The following SLC5A12 variants were observed in gnomAD, a reference collection of about 807,000 sequenced individuals.
SLC5A12 encodes sodium-coupled monocarboxylate transporter 2.
A neutral mutation model predicts 72.7 loss-of-function variants in SLC5A12; 46 were observed. That is an observed-to-expected ratio of 0.63 (90% CI 0.50 to 0.81). The LOEUF is 0.81. Ranked by LOEUF, SLC5A12 falls within the 30% of genes least tolerant of loss-of-function variation. SLC5A12 has a pLI of 0.00. For synonymous variants in SLC5A12, 275 were observed against 264.4 expected (o/e 1.04, Z -0.39); for missense variants, 683 against 740.7 (o/e 0.92, Z 0.90).
At position 26,678,874 on chromosome 11, in the gene SLC5A12, G is replaced by A. The variant is rs572211274; in HGVS notation, c.1476-59C>T. On this transcript the variant is annotated intron_variant, in intron 12 of 14. Transcript: ENST00000396005. ...CATCCTAAAGACCCACAGTGATGTA[G>A]AGGACTGCTCAGGATTCATTTTAGG... 6.9e-6 allele frequency: 8 copies of A among 1,160,684 alleles called. No individual in the cohort carries two copies. The Admixed American group carries it at 1.2e-4, about 17-fold the overall frequency. The allele number at this position is 1,160,684 out of a possible 1,614,324, so 71.9% of individuals were successfully genotyped here. A position where few individuals can be genotyped will look rare whatever the true frequency, so the allele number is the denominator to read the frequency against.
intron 12 of SLC5A12, among the ~76,000 whole-genome samples, chr11:26,679,153 T>C (rs1590708753): frequency 6.6e-6 from 1 of 152,230 alleles, no homozygotes; most frequent in Non-Finnish European, 1.5e-5. Context: ...GCATTAGTGA[T>C]ATAAAGATGA....
chr11:26,667,286 G>C lies in SLC5A12; in HGVS notation c.*3816C>G, dbSNP rs1362352863. 1.3e-5 allele frequency: 2 copies of C among 151,790 alleles called. No homozygotes were observed. Among genetic ancestry groups the C allele is most frequent in the Admixed American group, 1.3e-4 (2 of 15,204 alleles). The allele number at this position is 151,790 out of a possible 1,614,324, so 9.4% of individuals were successfully genotyped here. A position where few individuals can be genotyped will look rare whatever the true frequency, so the allele number is the denominator to read the frequency against. On this transcript the variant is annotated 3_prime_UTR_variant, in exon 15 of 15. Transcript: ENST00000396005. The stretch of plus-strand genomic sequence containing the variant: ...TAATTTAAAACAATTTATTTCAAAG[G>C]GAACAATTAAGGGGAGACTCCTCTA...
chr11:26,679,489 A>G (rs1854340588), intron 12 of SLC5A12, among the ~76,000 whole-genome samples: 1 of 152,150 alleles, frequency 6.6e-6, no homozygotes, highest in African/African-American at 2.4e-5. Context: ...TGAAACTCAA[A>G]GACAAATGGA....
chr11:26,683,081 T>G (rs966280421), intron 11 of SLC5A12, among the ~76,000 whole-genome samples: 1 of 152,134 alleles, frequency 6.6e-6, no homozygotes, highest in Non-Finnish European at 1.5e-5. Flanking sequence ...TCAAAATACA[T>G]GCATGTAAGT....
At chr11:26,700,364 C>T (rs902702949) in intron 6 of SLC5A12, among the ~76,000 whole-genome samples, 3 of 152,102 alleles carry the variant, frequency 2.0e-5, no homozygotes, top group Admixed American at 6.6e-5. Context: ...TAGGCTTTTT[C>T]ATTGATCCAT....
chr11:26,718,052 GATAAAGAGACTCC>G (rs1320475531), intron 1 of SLC5A12, among the ~76,000 whole-genome samples: 1 of 152,150 alleles, frequency 6.6e-6, no homozygotes, highest in Non-Finnish European at 1.5e-5. Flanking sequence ...TCACAGGGTG[GATAAAGAGACTCC>G]ACCTCTTTCA....
In SLC5A12 at chr11:26,670,749, G is replaced by A. The variant is rs2133125224; in HGVS notation, c.*353C>T. ...CCTCTAAACTCCAAGATATTTTGAT[G>A]GTTAAAAAACTACTAAAACGAAAAA... On this transcript the variant is annotated 3_prime_UTR_variant, in exon 15 of 15. Transcript: ENST00000396005. 1 of 165,856 alleles carries A rather than the reference G, an allele frequency of 6.0e-6. No individual in the cohort carries two copies. The highest frequency in any genetic ancestry group is 2.0e-4 in the South Asian group (1 of 5,090). 10.3% of individuals were successfully genotyped at this position (165,856 alleles called of 1,614,324 possible). A position where few individuals can be genotyped will look rare whatever the true frequency, so the allele number is the denominator to read the frequency against.
At position 26,703,474 on chromosome 11, in the gene SLC5A12, A is replaced by G. The variant is rs1855010660; in HGVS notation, c.821+57T>C. On this transcript the variant is annotated intron_variant, in intron 6 of 14. Transcript: ENST00000396005. ...CCCCAAGAGGAAGTATTAATATATA[A>G]TAAGTACCAAATAAGGTAAGATAAA... 1.1e-5 allele frequency: 17 copies of G among 1,555,530 alleles called. No individual in the cohort carries two copies. In the East Asian group the frequency reaches 1.6e-4, roughly 14 times the overall value.
chr11:26,671,738 T>C (rs932779273), intron 14 of SLC5A12, among the ~76,000 whole-genome samples: 1 of 152,106 alleles, frequency 6.6e-6, no homozygotes, highest in Non-Finnish European at 1.5e-5. Context: ...TTTCAACTTA[T>C]CCTTGAGAAC....
chr11:26,709,381 T>C lies in SLC5A12; in HGVS notation c.458-2A>G, dbSNP rs1465277508. 6.2e-7 allele frequency: 1 copy of C among 1,606,100 alleles called. No individual in the cohort carries two copies. Among genetic ancestry groups the C allele is most frequent in the Non-Finnish European group, 8.5e-7 (1 of 1,176,180 alleles). On this transcript the variant is annotated splice_acceptor_variant, in intron 3 of 14. Transcript: ENST00000396005. LOFTEE classifies it high-confidence loss of function. ...AGCCCCAGAGATCAAACCCAGTCAC[T>C]AGGAAAGAAGAAAAAAATATTAAAA... is the stretch of plus-strand genomic sequence containing the variant.
chr11:26,687,860 GACT>G (rs1334004668), intron 9 of SLC5A12, among the ~76,000 whole-genome samples: 4 of 152,234 alleles, frequency 2.6e-5, no homozygotes, highest in African/African-American at 9.6e-5. Flanking sequence ...TAGATAGATT[GACT>G]ACTATTAGAC....
chr11:26,680,174 T>C (rs1170398709), intron 12 of SLC5A12, among the ~76,000 whole-genome samples: 1 of 151,068 alleles, frequency 6.6e-6, no homozygotes, highest in African/African-American at 2.4e-5. Context: ...AAAAATGAAG[T>C]ACTTTTGAGG....
At chr11:26,714,336 T>C (rs1173437899) in intron 1 of SLC5A12, among the ~76,000 whole-genome samples, 1 of 152,100 alleles carries the variant, frequency 6.6e-6, no homozygotes, top group Non-Finnish European at 1.5e-5. Context: ...GCAAATATGA[T>C]ATAGTCCATA....
At chr11:26,718,638 G>A (rs61877329) in intron 1 of SLC5A12, among the ~76,000 whole-genome samples, 93,987 of 148,160 alleles carry the variant, frequency 0.63, 29,781 homozygotes, top group Middle Eastern at 0.68. Flanking sequence ...GTGTGTGTGT[G>A]TGTGTGTGTG....
In SLC5A12 at chr11:26,703,654, A is replaced by T; in HGVS notation, c.698T>A (p.Leu233His). Residue 233 changes from leucine to histidine, a missense_variant, in exon 6 of 15, where the codon CTC becomes CAC. Transcript: ENST00000396005. The stretch of plus-strand genomic sequence containing the variant: ...GATAGTCCAAAAAGTGTGTCGCCTG[A>T]GAGGATCTACATCAAAGCTATGAGA... ...LHIFDFDVDP[L>H]RRHTFWTITV... is the part of the protein sequence containing the mutation. The T allele has an allele frequency of 6.2e-7, 1 of 1,613,898 alleles. No homozygotes were observed. Among genetic ancestry groups the T allele is most frequent in the South Asian group, 1.1e-5 (1 of 91,080 alleles).
chr11:26,684,827 A>C (rs984213912), intron 10 of SLC5A12, among the ~76,000 whole-genome samples: 26 of 152,202 alleles, frequency 1.7e-4, no homozygotes, highest in Non-Finnish European at 3.2e-4. Context: ...ACATGATGAT[A>C]CTTTCTTAAG....
At chr11:26,711,550 T>G (rs2133211941) in intron 2 of SLC5A12, among the ~76,000 whole-genome samples, 192 bp from the exon 3 acceptor site, 1 of 152,230 alleles carries the variant, frequency 6.6e-6, no homozygotes. Flanking sequence ...AATCATTAGA[T>G]GGAGGAAGAG....
rs75957393 is a variant in SLC5A12, at chr11:26,697,583, T to C, written c.952-331A>G. On this transcript the variant is annotated intron_variant, in intron 7 of 14. Transcript: ENST00000396005. ...TGACAGAGCAGGACAGTTAAATATA[T>C]ATAGAGAGGGAAGGCAAATGATTAC... 4.7e-3 allele frequency among the ~76,000 whole-genome samples: 717 copies of C among 152,206 alleles called. 5 individuals are homozygous for C. Among genetic ancestry groups the C allele is most frequent in the African/African-American group, 0.016 (682 of 41,544 alleles).
chr11:26,699,213 A>G (rs1854900320), intron 6 of SLC5A12, among the ~76,000 whole-genome samples: 2 of 152,178 alleles, frequency 1.3e-5, no homozygotes, highest in East Asian at 1.9e-4. Context: ...AATTTCCTCA[A>G]TTCCAGAGAG....
Sources: gnomAD v4.1 joint callset for allele counts (sites outside exome capture counted in the v4.1 genomes callset) on GRCh38, gnomAD v4.1.1 for gene constraint, MANE v1.5 for transcripts, NCBI Gene and HGNC (gene_info 2026-07-23, HGNC 2026-07-21) for gene names.